Variants in RGS13 observed in about 807,000 individuals in gnomAD.
The protein encoded by RGS13 is regulator of G-protein signalling 13.
RGS13 carries 14 observed loss-of-function variants against 19.9 expected under a neutral mutation model. That is an observed-to-expected ratio of 0.70 (90% CI 0.46 to 1.10). RGS13 has a LOEUF of 1.10. RGS13 is among the 50% of genes least tolerant of loss of function. The pLI, the probability that RGS13 is intolerant of heterozygous loss-of-function variation, is 0.00. For synonymous variants in RGS13, 60 were observed against 56.8 expected, an observed-to-expected ratio of 1.06 and a Z score of -0.25; for missense variants, 205 against 187.1, an observed-to-expected ratio of 1.10 and a Z score of -0.56.
intron 1 of RGS13, 138 bp from the exon 2 acceptor site, chr1:192,637,452 C>T (rs1417088613): frequency 6.6e-6 from 1 of 151,818 alleles, no homozygotes; most frequent in Non-Finnish European, 1.5e-5. Context: ...TAACCATAAT[C>T]CAGCATTTCC....
intron 5 of RGS13, 41 bp downstream of exon 5, chr1:192,648,028 T>C: frequency 7.0e-7 from 1 of 1,419,282 alleles, no homozygotes; most frequent in South Asian, 1.2e-5. Flanking sequence ...AACTAGCGAG[T>C]TCCATTCTTA....
intron 3 of RGS13, among the ~76,000 whole-genome samples, chr1:192,641,360 A>AGG (rs1663119833): frequency 6.7e-6 from 1 of 150,372 alleles, no homozygotes; most frequent in Non-Finnish European, 1.5e-5. Context: ...AGAGAGAGAG[A>AGG]GGGGAAAAGG....
At chr1:192,647,146 C>G (rs1663237650) in intron 4 of RGS13, 1 of 152,122 alleles carries the variant, frequency 6.6e-6, no homozygotes, top group Non-Finnish European at 1.5e-5. Context: ...TGGATTAACT[C>G]TAAGATTCTA....
chr1:192,649,645 T>A (rs746478604), intron 5 of RGS13, among the ~76,000 whole-genome samples: 2 of 152,156 alleles, frequency 1.3e-5, no homozygotes, highest in African/African-American at 2.4e-5. Flanking sequence ...AAAATTTGTC[T>A]CTAGCTATGA....
chr1:192,654,896 A>G (rs546831932), intron 5 of RGS13, among the ~76,000 whole-genome samples: 1 of 152,122 alleles, frequency 6.6e-6, no homozygotes, highest in South Asian at 2.1e-4. Flanking sequence ...GACATAAGCC[A>G]TTTCTTCCAT....
intron 1 of RGS13, 87 bp from the exon 2 acceptor site, chr1:192,637,503 C>T: frequency 6.6e-6 from 1 of 151,896 alleles, no homozygotes; most frequent in Non-Finnish European, 1.5e-5. Flanking sequence ...AGAGCATTTA[C>T]AGTAATCTTT....
intron 3 of RGS13, among the ~76,000 whole-genome samples, chr1:192,641,311 G>GAAAGA (rs1663118162): frequency 7.4e-6 from 1 of 135,378 alleles, no homozygotes; most frequent in Non-Finnish European, 1.6e-5. Context: ...AGAAAGAAAA[G>GAAAGA]AAAGAAAGGA....
intron 3 of RGS13, among the ~76,000 whole-genome samples, chr1:192,638,791 A>G (rs1005142922): frequency 6.6e-6 from 1 of 152,014 alleles, no homozygotes; most frequent in East Asian, 1.9e-4. Context: ...GTCACTAAAT[A>G]TTTTCTGCAA....
chr1:192,641,200 A>AAG (rs1558049005), intron 3 of RGS13, among the ~76,000 whole-genome samples: 69 of 93,498 alleles, frequency 7.4e-4, no homozygotes, highest in East Asian at 4.3e-3. Context: ...AAAAAAGAAA[A>AAG]AAGGAAAGAA....
At chr1:192,650,567 T>C (rs143030258) in intron 5 of RGS13, among the ~76,000 whole-genome samples, 5 of 152,112 alleles carry the variant, frequency 3.3e-5, no homozygotes, top group Middle Eastern at 3.4e-3. Context: ...AAAAGAAATA[T>C]ATCAGCCTGG....
In RGS13 at chr1:192,659,632, C is replaced by A. The variant is rs950970733; in HGVS notation, c.*109C>A. On this transcript the variant is annotated 3_prime_UTR_variant, in exon 7 of 7. Coordinates refer to ENST00000391995, the MANE Select transcript of RGS13 (RefSeq NM_002927.5). Reference sequence around the variant, plus strand: ...AACACAGTACAAATAAAACAGAAATCAAACTATAAGTTGACTTTTAGTTCC... The same window carrying A: ...AACACAGTACAAATAAAACAGAAATAAAACTATAAGTTGACTTTTAGTTCC... The A allele has an allele frequency of 4.3e-5, 33 of 765,520 alleles. No individual in the cohort carries two copies. The highest frequency in any genetic ancestry group is 9.6e-5 in the Admixed American group (3 of 31,380). The allele number at this position is 765,520 out of a possible 1,614,324, so 47.4% of individuals were successfully genotyped here. A position where few individuals can be genotyped will look rare whatever the true frequency, so the allele number is the denominator to read the frequency against.
In RGS13 at chr1:192,659,778, G is replaced by T; in HGVS notation, c.*255G>T. On this transcript the variant is annotated 3_prime_UTR_variant, in exon 7 of 7. Coordinates refer to ENST00000391995, the MANE Select transcript of RGS13 (RefSeq NM_002927.5). ...AAGGAAAAGGAAGGTCTTTCTTCAT[G>T]ATACAAGCATTATAAAGTTTTTACT... 1 of 316,270 alleles carries T rather than the reference G, an allele frequency of 3.2e-6. No individual in the cohort carries two copies. 19.6% of individuals were successfully genotyped at this position (316,270 alleles called of 1,614,324 possible).
chr1:192,659,585 T>C lies in RGS13; in HGVS notation c.*62T>C. The C allele has an allele frequency of 8.6e-7, 1 of 1,167,684 alleles. No individual in the cohort carries two copies. The highest frequency in any genetic ancestry group is 1.2e-6 in the Non-Finnish European group (1 of 823,476). The allele number at this position is 1,167,684 out of a possible 1,614,324, so 72.3% of individuals were successfully genotyped here. ...GAAAGTGGTGGGTTTGATCTTTTTA[T>C]TTAGAAACCCACAAAATCAGAAACA... On this transcript the variant is annotated 3_prime_UTR_variant, in exon 7 of 7. Coordinates refer to ENST00000391995, the MANE Select transcript of RGS13 (RefSeq NM_002927.5).
At chr1:192,643,059 C>T (rs1220247931) in intron 3 of RGS13, among the ~76,000 whole-genome samples, 1 of 151,858 alleles carries the variant, frequency 6.6e-6, no homozygotes, top group Non-Finnish European at 1.5e-5. Flanking sequence ...CAGAATCTTA[C>T]CGTGTTGCCC....
intron 5 of RGS13, among the ~76,000 whole-genome samples, chr1:192,653,666 T>C (rs73060174): frequency 0.1 from 15,816 of 152,086 alleles, 2,290 homozygotes; most frequent in African/African-American, 0.32. Context: ...GTGTTCCCTA[T>C]GTGCTATTAA....
chr1:192,639,751 C>G (rs993504171), intron 3 of RGS13, among the ~76,000 whole-genome samples: 1 of 152,068 alleles, frequency 6.6e-6, no homozygotes, highest in Non-Finnish European at 1.5e-5. Context: ...CTAATAAGAG[C>G]CTGACCTCGA....
rs940758674 is a variant in RGS13, at chr1:192,660,236, T to C, written c.*713T>C. The C allele has an allele frequency of 6.6e-6, 1 of 152,118 alleles. No individual in the cohort carries two copies. The highest frequency in any genetic ancestry group is 1.5e-5 in the Non-Finnish European group (1 of 67,986). The allele number at this position is 152,118 out of a possible 1,614,324, so 9.4% of individuals were successfully genotyped here. A position where few individuals can be genotyped will look rare whatever the true frequency, so the allele number is the denominator to read the frequency against. The stretch of plus-strand genomic sequence containing the variant: ...TGTGAACTCATCGTGATCTTGGAAA[T>C]CAATAAAGTCAAATATCAACTAAAG... On this transcript the variant is annotated 3_prime_UTR_variant, in exon 7 of 7. Transcript: ENST00000391995.
chr1:192,655,385 T>C (rs1447926107), intron 5 of RGS13, among the ~76,000 whole-genome samples: 1 of 152,144 alleles, frequency 6.6e-6, no homozygotes, highest in Non-Finnish European at 1.5e-5. Context: ...GGTTCACTTC[T>C]TTTTCATGAT....
At chr1:192,655,416 T>C (rs575930772) in intron 5 of RGS13, among the ~76,000 whole-genome samples, 1 of 152,234 alleles carries the variant, frequency 6.6e-6, no homozygotes, top group East Asian at 1.9e-4. Context: ...TAGGGTCAGC[T>C]CCAGCTCTAT....
Sources: gnomAD v4.1 joint callset for allele counts (sites outside exome capture counted in the v4.1 genomes callset) on GRCh38, gnomAD v4.1.1 for gene constraint, MANE v1.5 for transcripts, NCBI Gene and HGNC (gene_info 2026-07-23, HGNC 2026-07-21) for gene names.